Variants in EPS8 observed in about 807,000 individuals in gnomAD.
EPS8 encodes the protein EGFR pathway substrate 8, signaling adaptor.
EPS8 carries 42 observed loss-of-function variants against 103.8 expected under a neutral mutation model. The observed-to-expected ratio is 0.40, with a 90% CI of 0.32 to 0.52. The LOEUF is 0.52. Among genes scored for constraint, EPS8 ranks in the 20% least tolerant of loss-of-function variants. The pLI is 0.40. For synonymous variants in EPS8, 344 were observed against 344.6 expected (o/e 1.00, Z 0.02); for missense variants, 969 against 1,005.1 (o/e 0.96, Z 0.49).
At chr12:15,709,748 C>T (rs901895022) in intron 1 of EPS8, among the ~76,000 whole-genome samples, 1 of 152,216 alleles carries the variant, frequency 6.6e-6, no homozygotes, top group Non-Finnish European at 1.5e-5. Flanking sequence ...TTGATATTCA[C>T]GGCTCTGCTT....
rs1009013618 is a variant in EPS8 at position 15,733,963 on chromosome 12, A to G, written c.-21-50991T>C. Among the ~76,000 whole-genome samples the G allele has an allele frequency of 6.6e-6, 1 of 152,040 alleles. No homozygotes were observed. Among genetic ancestry groups the G allele is most frequent in the African/African-American group, 2.4e-5 (1 of 41,408 alleles). On this transcript the variant is annotated intron_variant, in intron 1 of 20. Transcript: ENST00000281172. The surrounding 1 kb of genome is among the most constrained non-coding windows in gnomAD (Gnocchi z 4.8). The stretch of plus-strand genomic sequence containing the variant: ...AGCCTTCACCTCCTGGACTCAAGTG[A>G]TCCTCCCACCTCAGCCTCCCAAGTC...
At chr12:15,666,851 A>G (rs1945721346) in intron 6 of EPS8, among the ~76,000 whole-genome samples, 1 of 152,186 alleles carries the variant, frequency 6.6e-6, no homozygotes, top group South Asian at 2.1e-4. Flanking sequence ...AAGGGGTTAG[A>G]GGCTCCCACA....
At chr12:15,677,091 T>C (rs1945921739) in intron 3 of EPS8, among the ~76,000 whole-genome samples, 1 of 152,128 alleles carries the variant, frequency 6.6e-6, no homozygotes, top group South Asian at 2.1e-4. Context: ...TAATTAATTG[T>C]CTAACATCAT....
intron 1 of EPS8, among the ~76,000 whole-genome samples, chr12:15,718,828 CT>C (rs34389536): frequency 0.85 from 128,863 of 152,058 alleles, 58,637 homozygotes; most frequent in Non-Finnish European, 1. Context: ...ACTACTTCAG[CT>C]TATTAAAATC....
At chr12:15,625,597 T>C (rs1224443966) in intron 18 of EPS8, among the ~76,000 whole-genome samples, 2 of 152,320 alleles carry the variant, frequency 1.3e-5, no homozygotes, top group Middle Eastern at 3.4e-3. Flanking sequence ...CAGCCAATTC[T>C]TTCCCAGCTA....
Position 15,640,825 on chromosome 12 carries a change from A to G in EPS8, c.1699T>C (p.Trp567Arg). ...CCACTTGCATTTCGAACTTTCCACC[A>G]TTGCTTCCGATCATCAAGTATCTGT... ...ILEILDDRKQ[W>R]WKVRNASGDS... is the part of the protein sequence containing the mutation. The change falls in exon 17 of 21, where the codon TGG (tryptophan) becomes CGG (arginine). Residue 567 changes from tryptophan (W) to arginine (R), a missense_variant. Physicochemically the swap from Trp to Arg is moderately radical, Grantham distance 101 (BLOSUM62 -3). Coordinates refer to ENST00000281172, the MANE Select transcript of EPS8 (RefSeq NM_004447.6). The G allele has an allele frequency of 6.2e-7, 1 of 1,613,824 alleles. No individual in the cohort carries two copies. Among genetic ancestry groups the G allele is most frequent in the Non-Finnish European group, 8.5e-7 (1 of 1,179,856 alleles).
chr12:15,622,493 T>C (rs1296251881), intron 20 of EPS8, among the ~76,000 whole-genome samples: 5 of 152,182 alleles, frequency 3.3e-5, no homozygotes, highest in Non-Finnish European at 7.4e-5. Context: ...AGTCCAAGTA[T>C]AATTTTCATG....
intron 18 of EPS8, among the ~76,000 whole-genome samples, chr12:15,628,615 A>C (rs1039064747): frequency 1.3e-5 from 2 of 152,244 alleles, no homozygotes; most frequent in Admixed American, 1.3e-4. Context: ...CTTCTATGAC[A>C]CAAGGCTTCA....
At chr12:15,786,848 G>T (rs149329891) in intron 1 of EPS8, among the ~76,000 whole-genome samples, 1 of 152,052 alleles carries the variant, frequency 6.6e-6, no homozygotes, top group African/African-American at 2.4e-5. Context: ...ATTTCATGTA[G>T]TATTAATAAT....
intron 1 of EPS8, among the ~76,000 whole-genome samples, chr12:15,712,139 A>C (rs1187102290): frequency 6.6e-6 from 1 of 152,238 alleles, no homozygotes; most frequent in Non-Finnish European, 1.5e-5. Flanking sequence ...TATTTAAAAC[A>C]TCATAATTAT....
rs1324109413 is a variant in EPS8 at position 15,736,290 on chromosome 12, G to A, written c.-22+52871C>T. Among the ~76,000 whole-genome samples the A allele has an allele frequency of 2.0e-5, 3 of 152,114 alleles. No homozygotes were observed. The highest frequency in any genetic ancestry group is 7.2e-5 in the African/African-American group (3 of 41,416). On this transcript the variant is annotated intron_variant, in intron 1 of 20. Transcript: ENST00000281172. The surrounding 1 kb of genome is among the most constrained non-coding windows in gnomAD (Gnocchi z 4.2). Reference sequence around the variant, plus strand: ...TTTATAACATGAGTCTAGCACCAAGGAAAATGGACTTTGGAGTAAAGGAGA... The same window carrying A: ...TTTATAACATGAGTCTAGCACCAAGAAAAATGGACTTTGGAGTAAAGGAGA...
intron 1 of EPS8, among the ~76,000 whole-genome samples, chr12:15,739,743 G>C (rs1946801020): frequency 6.6e-6 from 1 of 152,042 alleles, no homozygotes; most frequent in South Asian, 2.1e-4. Flanking sequence ...GTGTTAGCCA[G>C]TTCCCCTAAT....
At chr12:15,660,247 A>G (rs1033062632) in intron 10 of EPS8, among the ~76,000 whole-genome samples, 1 of 151,642 alleles carries the variant, frequency 6.6e-6, no homozygotes, top group Non-Finnish European at 1.5e-5. Context: ...GTAGTTCTTG[A>G]GGGTCAAAAC....
intron 1 of EPS8, among the ~76,000 whole-genome samples, chr12:15,689,957 C>A (rs1946149940): frequency 6.6e-6 from 1 of 152,140 alleles, no homozygotes; most frequent in Non-Finnish European, 1.5e-5. Context: ...AAATTTCATT[C>A]TGGTGTATTA....
chr12:15,776,592 T>C lies in EPS8; in HGVS notation c.-22+12569A>G, dbSNP rs989431731. 6.6e-6 allele frequency among the ~76,000 whole-genome samples: 1 copy of C among 152,208 alleles called. No homozygotes were observed. Among genetic ancestry groups the C allele is most frequent in the African/African-American group, 2.4e-5 (1 of 41,462 alleles). On this transcript the variant is annotated intron_variant, in intron 1 of 20. Coordinates refer to ENST00000281172, the MANE Select transcript of EPS8 (RefSeq NM_004447.6). This position sits in a 1 kb window ranked among gnomAD's most constrained non-coding sequence, Gnocchi z 4.2. The stretch of plus-strand genomic sequence containing the variant: ...AATGTCTGGCTCAATCTCGCAAGAA[T>C]AGGAATTTCCACATTCAGAACTGTC...
At chr12:15,715,378 T>C (rs1946519380) in intron 1 of EPS8, among the ~76,000 whole-genome samples, 1 of 105,996 alleles carries the variant, frequency 9.4e-6, no homozygotes, top group Admixed American at 1.3e-4. Context: ...CTTTCTTTTT[T>C]TTTTTCTTTA....
In EPS8 at chr12:15,688,719, A is replaced by G. The variant is rs1218288026; in HGVS notation, c.-21-5747T>C. On this transcript the variant is annotated intron_variant, in intron 1 of 20. Coordinates refer to ENST00000281172, the MANE Select transcript of EPS8 (RefSeq NM_004447.6). This position sits in a 1 kb window ranked among gnomAD's most constrained non-coding sequence, Gnocchi z 5.1. ...ATCTGCTGAGAGCTACCTCCACTCA[A>G]TAAAACCCTGCACTCATTCTCTAAG... 1.3e-5 allele frequency among the ~76,000 whole-genome samples: 2 copies of G among 152,128 alleles called. No homozygotes were observed. The highest frequency in any genetic ancestry group is 4.8e-5 in the African/African-American group (2 of 41,412).
Position 15,623,934 on chromosome 12 carries a change from T to A in EPS8, c.2225+293A>T, listed in dbSNP as rs146056048. The stretch of plus-strand genomic sequence containing the variant: ...TCCTACCTAGGTTACATCACAGTAA[T>A]CTGATGGAGAAAAGAAGCTACTGGG... On this transcript the variant is annotated intron_variant, in intron 19 of 20. Coordinates refer to ENST00000281172, the MANE Select transcript of EPS8 (RefSeq NM_004447.6). Among the ~76,000 whole-genome samples the A allele has an allele frequency of 1.2e-3, 182 of 152,286 alleles. 2 individuals carry two copies. Among genetic ancestry groups the A allele is most frequent in the African/African-American group, 4.0e-3 (168 of 41,552 alleles).
In EPS8 at chr12:15,658,149, T is replaced by G; in HGVS notation, c.1031A>C (p.Lys344Thr). The change falls in exon 12 of 21, where the codon AAA becomes ACA. Residue 344 changes from lysine to threonine, a missense_variant. Physicochemically the swap from Lys to Thr is moderately conservative, Grantham distance 78 (BLOSUM62 -1). Transcript: ENST00000281172. ...KFKHGFNLLAKLKSHIQNPSA... is the reference protein window; with the variant it reads ...KFKHGFNLLATLKSHIQNPSA... Reference sequence around the variant, plus strand: ...AGGATTCTGAATATGAGACTTCAGTTTGGCCTGCAACATGAAGAAAACAGA... The same window carrying G: ...AGGATTCTGAATATGAGACTTCAGTGTGGCCTGCAACATGAAGAAAACAGA... 1 of 1,609,770 alleles carries G rather than the reference T, an allele frequency of 6.2e-7. No individual in the cohort carries two copies. The highest frequency in any genetic ancestry group is 8.5e-7 in the Non-Finnish European group (1 of 1,177,044).
Sources: allele counts gnomAD v4.1 joint callset (sites outside exome capture counted in the v4.1 genomes callset), GRCh38; gene constraint gnomAD v4.1.1; non-coding constraint Gnocchi (gnomAD v3.1); transcripts MANE v1.5; gene names NCBI Gene and HGNC (gene_info 2026-07-23, HGNC 2026-07-21).